The following POLG variants were observed in gnomAD, a reference collection of about 807,000 sequenced individuals.
POLG encodes the protein DNA polymerase subunit gamma-1.
In POLG, 110 loss-of-function variants were observed where a neutral mutation model predicts 155.4. That is an observed-to-expected ratio of 0.71 (90% CI 0.61 to 0.83). The LOEUF is 0.83. Among genes scored for constraint, POLG ranks in the 40% least tolerant of loss-of-function variants. The probability of loss-of-function intolerance (pLI) is 0.00; values close to 1 mark genes in which losing one functional copy is unlikely to be tolerated. For synonymous variants in POLG, 701 were observed against 631.5 expected (o/e 1.11, Z -1.65); for missense variants, 1,685 against 1,627.5 (o/e 1.04, Z -0.61).
At chr15:89,330,592 C>T (rs905641951) in intron 2 of POLG, among the ~76,000 whole-genome samples, 2 of 152,190 alleles carry the variant, frequency 1.3e-5, no homozygotes, top group African/African-American at 4.8e-5. Flanking sequence ...CCAGCGTTCA[C>T]TGAGTCTGCA....
At chr15:89,330,366 G>GCACCATCTGGC in intron 2 of POLG, 90 bp from the exon 3 acceptor site, 1 of 1,008,214 alleles carries the variant, frequency 9.9e-7, no homozygotes. Context: ...CCACATGCCA[G>GCACCATCTGGC]ATGGTGCATT....
In POLG at chr15:89,326,635, G is replaced by A. The variant is rs1271958245; in HGVS notation, c.1689C>T (p.Pro563=). The A allele has an allele frequency of 6.2e-7, 1 of 1,613,976 alleles. No individual in the cohort carries two copies. Among genetic ancestry groups the A allele is most frequent in the East Asian group, 2.2e-5 (1 of 44,880 alleles). ...KGTTELLPKR[P]QHLPGHPGWY... is the part of the protein sequence containing the mutation. The stretch of plus-strand genomic sequence containing the variant: ...ACCCAGGGTGTCCAGGAAGGTGCTG[G>A]GGCCGCTTGGGCAGGAGCTCTGTGG... Residue 563 remains proline (P), a synonymous_variant, in exon 9 of 23, where the codon CCC becomes CCT. Coordinates refer to ENST00000268124, the MANE Select transcript of POLG (RefSeq NM_002693.3).
intron 6 of POLG, among the ~76,000 whole-genome samples, chr15:89,328,070 CTTCTT>C (rs946035764): frequency 6.6e-5 from 10 of 152,168 alleles, no homozygotes; most frequent in Non-Finnish European, 1.5e-4. Flanking sequence ...ATTTTCCTCC[CTTCTT>C]TTTTCTTTCC....
At chr15:89,331,275 G>C (rs369591799) in intron 2 of POLG, among the ~76,000 whole-genome samples, 38 of 152,132 alleles carry the variant, frequency 2.5e-4, no homozygotes, top group African/African-American at 8.5e-4. Flanking sequence ...GTGAAAATAA[G>C]CCAAGGGACT....
At position 89,325,095 on chromosome 15, in the gene POLG, AGTGAGAGAGTGAGAGAGAGT is replaced by A. The variant is rs1567189269; in HGVS notation, c.1949+335_1949+354del. On this transcript the variant is annotated intron_variant, in intron 10 of 22. Transcript: ENST00000268124. ...GAGTGAGTGAGTGAGAGAGTGAGTGAGTGAGAGAGTGAGAGAGAGTGAGTGAGTGAGTGAGAGAGTGAGTG... is the reference window on the plus strand; with the variant it reads ...GAGTGAGTGAGTGAGAGAGTGAGTGAGAGTGAGTGAGTGAGAGAGTGAGTG... Among the ~76,000 whole-genome samples the A allele has an allele frequency of 1.3e-4, 11 of 86,136 alleles. No individual in the cohort carries two copies. The East Asian group carries it at 3.1e-3, about 24-fold the overall frequency. The allele number at this position is 86,136 out of a possible 152,430, so 56.5% of individuals were successfully genotyped here. A position where few individuals can be genotyped will look rare whatever the true frequency, so the allele number is the denominator to read the frequency against.
In POLG at chr15:89,321,617, T is replaced by C. The variant is rs552223994; in HGVS notation, c.2598+119A>G. The C allele has an allele frequency of 1.0e-3, 868 of 832,630 alleles. 1 individual carries two copies. The highest frequency in any genetic ancestry group is 1.7e-3 in the Non-Finnish European group (800 of 477,868). The allele number at this position is 832,630 out of a possible 1,614,324, so 51.6% of individuals were successfully genotyped here. A position where few individuals can be genotyped will look rare whatever the true frequency, so the allele number is the denominator to read the frequency against. On this transcript the variant is annotated intron_variant, in intron 16 of 22. Transcript: ENST00000268124. Reference sequence around the variant, plus strand: ...AGCCAGATTTGACTAGAGTCCTGCCTGACCCAGATCACAGGGTCCTTTTCA... The same window carrying C: ...AGCCAGATTTGACTAGAGTCCTGCCCGACCCAGATCACAGGGTCCTTTTCA...
At chr15:89,332,777 C>T (rs563974034) in intron 2 of POLG, among the ~76,000 whole-genome samples, 1 of 152,270 alleles carries the variant, frequency 6.6e-6, no homozygotes, top group Non-Finnish European at 1.5e-5. Flanking sequence ...CTTCTCATGA[C>T]GCTATTAGGA....
In POLG at chr15:89,323,911, T is replaced by TC; in HGVS notation, c.2071-11dup. 1.2e-6 allele frequency: 2 copies of TC among 1,609,700 alleles called. No homozygotes were observed. Among genetic ancestry groups the TC allele is most frequent in the African/African-American group, 2.7e-5 (2 of 74,924 alleles). Reference sequence around the variant, plus strand: ...AATCCAGTTCTTCTACCTGGAGCAGTCCAAGGACCAAAGTAGTGAAGCAGG... The same window carrying TC: ...AATCCAGTTCTTCTACCTGGAGCAGTCCCAAGGACCAAAGTAGTGAAGCAGG... On this transcript the variant is annotated splice_polypyrimidine_tract_variant and intron_variant, in intron 11 of 22. Coordinates refer to ENST00000268124, the MANE Select transcript of POLG (RefSeq NM_002693.3).
rs2055464371 is a variant in POLG at position 89,325,085 on chromosome 15, A to AGAGTGAGTGAGAGAGT, written c.1949+364_1949+365insACTCTCTCACTCACTC. ...GTGAGTGAGTGAGTGAGTGAGTGAGAGAGTGAGTGAGTGAGAGAGTGAGAG... is the reference window on the plus strand; with the variant it reads ...GTGAGTGAGTGAGTGAGTGAGTGAGAGAGTGAGTGAGAGAGTGAGTGAGTGAGTGAGAGAGTGAGAG... On this transcript the variant is annotated intron_variant, in intron 10 of 22. Transcript: ENST00000268124. 1.3e-4 allele frequency among the ~76,000 whole-genome samples: 10 copies of AGAGTGAGTGAGAGAGT among 77,726 alleles called. 2 individuals are homozygous for AGAGTGAGTGAGAGAGT. Among genetic ancestry groups the AGAGTGAGTGAGAGAGT allele is most frequent in the African/African-American group, 3.5e-4 (4 of 11,480 alleles). 51.0% of individuals were successfully genotyped at this position (77,726 alleles called of 152,430 possible).
intron 17 of POLG, 30 bp from the exon 18 acceptor site, chr15:89,321,042 G>C (rs773141988): frequency 6.2e-7 from 1 of 1,614,106 alleles, no homozygotes; most frequent in Non-Finnish European, 8.5e-7. Context: ...GAGAAAAGCA[G>C]CTCAGGAACA....
intron 21 of POLG, among the ~76,000 whole-genome samples, chr15:89,318,216 G>C (rs573335786): frequency 6.6e-6 from 1 of 152,290 alleles, no homozygotes; most frequent in Admixed American, 6.5e-5. Flanking sequence ...TCTATGAAAT[G>C]AGAAAAGGCT....
chr15:89,325,131 AGAGTGAGTGAGAGAGTGAGTGAGT>A (rs2055474361), intron 10 of POLG, among the ~76,000 whole-genome samples: 8 of 44,678 alleles, frequency 1.8e-4, no homozygotes, highest in African/African-American at 1.2e-3. Context: ...AGTGAGTGAG[AGAGTGAGTGAGAGAGTGAGTGAGT>A]GAGTGAGTGA....
At chr15:89,322,101 C>T in intron 14 of POLG, 86 bp from the exon 15 acceptor site, 1 of 1,243,258 alleles carries the variant, frequency 8.0e-7, no homozygotes, top group Non-Finnish European at 1.2e-6. Flanking sequence ...ACCTGCCCAC[C>T]TCCAGGACTG....
At chr15:89,318,151 A>G (rs1484965657) in intron 21 of POLG, 4 of 199,842 alleles carry the variant, frequency 2.0e-5, no homozygotes, top group Non-Finnish European at 4.1e-5. Flanking sequence ...AACTTTTGGC[A>G]CTTACTTAAG....
In POLG at chr15:89,321,982, A is replaced by G. The variant is rs781774787; in HGVS notation, c.2460T>C (p.Ala820=). 2 of 1,614,144 alleles carry G rather than the reference A, an allele frequency of 1.2e-6. No homozygotes were observed. The highest frequency in any genetic ancestry group is 1.7e-5 in the Admixed American group (1 of 60,022). ...CATACCTGATCACAGCACGGGGCAGAGCTGACCTGGGCAGCCACACCACCA... is the reference window on the plus strand; with the variant it reads ...CATACCTGATCACAGCACGGGGCAGGGCTGACCTGGGCAGCCACACCACCA... ...SQMVVWLPRS[A]LPRAVIRHPD... is the part of the protein sequence containing the mutation. The change falls in exon 15 of 23, where the codon GCT becomes GCC. Residue 820 remains alanine (A), a synonymous_variant. Transcript: ENST00000268124.
In POLG at chr15:89,323,875, C is replaced by T. The variant is rs2152063210; in HGVS notation, c.2097G>A (p.Val699=). ...QTVEELDYLE[V]EAEAKMENLR... ...AGTTCTCCATCTTGGCCTCAGCCTCCACTTCTAAGTAATCCAGTTCTTCTA... is the reference window on the plus strand; with the variant it reads ...AGTTCTCCATCTTGGCCTCAGCCTCTACTTCTAAGTAATCCAGTTCTTCTA... Residue 699 remains valine, a synonymous_variant, in exon 12 of 23, where the codon GTG becomes GTA. Coordinates refer to ENST00000268124, the MANE Select transcript of POLG (RefSeq NM_002693.3). 2.5e-6 allele frequency: 4 copies of T among 1,614,050 alleles called. No individual in the cohort carries two copies. Among genetic ancestry groups the T allele is most frequent in the East Asian group, 2.2e-5 (1 of 44,878 alleles).
intron 10 of POLG, 102 bp downstream of exon 10, chr15:89,325,348 C>T (rs892067498): frequency 8.1e-5 from 63 of 774,552 alleles, no homozygotes; most frequent in Non-Finnish European, 1.3e-4. Context: ...TCTTCTGAAC[C>T]CAGACTCTTG....
At chr15:89,318,772 G>T in intron 20 of POLG, 23 bp from the exon 21 acceptor site, 1 of 1,602,902 alleles carries the variant, frequency 6.2e-7, no homozygotes, top group Non-Finnish European at 8.5e-7. Flanking sequence ...GGTGGGCAGA[G>T]GTGAAAGGGG....
intron 11 of POLG, 32 bp from the exon 12 acceptor site, chr15:89,323,933 C>G (rs1320802913): frequency 1.2e-5 from 19 of 1,576,086 alleles, no homozygotes; most frequent in Non-Finnish European, 1.7e-5. Flanking sequence ...AGTAGTGAAG[C>G]AGGGGACTGG....
Sources: allele counts gnomAD v4.1 joint callset (sites outside exome capture counted in the v4.1 genomes callset), GRCh38; gene constraint gnomAD v4.1.1; transcripts MANE v1.5; gene names NCBI Gene and HGNC (gene_info 2026-07-23, HGNC 2026-07-21).